TMEM200B: variants seen among roughly 807,000 people sequenced by gnomAD.
TMEM200B encodes the protein transmembrane protein 200B, also known as transmembrane protein TTMA.
In TMEM200B, 12 loss-of-function variants were observed where a neutral mutation model predicts 17.6. The observed-to-expected ratio is 0.68, with a 90% confidence interval of 0.44 to 1.11. The LOEUF (loss-of-function observed/expected upper bound fraction) is 1.11. Among genes scored for constraint, TMEM200B ranks in the 50% least tolerant of loss-of-function variants. TMEM200B has a pLI of 0.00. For synonymous variants in TMEM200B, 234 were observed against 209.2 expected, an observed-to-expected ratio of 1.12 and a Z score of -1.02; for missense variants, 456 against 447.6, an observed-to-expected ratio of 1.02 and a Z score of -0.17.
Position 29,121,676 on chromosome 1 carries a change from C to T in TMEM200B, c.153G>A (p.Pro51=). The T allele has an allele frequency of 7.3e-7, 1 of 1,372,822 alleles. No homozygotes were observed. Among genetic ancestry groups the T allele is most frequent in the Non-Finnish European group, 9.4e-7 (1 of 1,064,754 alleles). The allele number at this position is 1,372,822 out of a possible 1,614,324, so 85.0% of individuals were successfully genotyped here. A position where few individuals can be genotyped will look rare whatever the true frequency, so the allele number is the denominator to read the frequency against. ...CCCCCAGCGCCGCGAACGCCCCCGA[C>T]GGCGAGCGCAGCCGCAGCCGCGCCC... The part of the protein sequence containing the change: ...RVRARLRLRS[P]SGAFAALGAL... Residue 51 remains proline (P), a synonymous_variant, in exon 2 of 2, where the codon CCG becomes CCA. Transcript: ENST00000521452. This position sits in a 1 kb window ranked among gnomAD's most constrained non-coding sequence, Gnocchi z 5.6.
Position 29,121,739 on chromosome 1 carries a change from G to C in TMEM200B, c.90C>G (p.Arg30=), listed in dbSNP as rs1671797341. 9 of 1,206,772 alleles carry C rather than the reference G, an allele frequency of 7.5e-6. No individual in the cohort carries two copies. The East Asian group carries it at 3.1e-4, about 41-fold the overall frequency. 74.8% of individuals were successfully genotyped at this position (1,206,772 alleles called of 1,614,324 possible). Residue 30 remains arginine, a synonymous_variant, in exon 2 of 2, where the codon CGC becomes CGG. Coordinates refer to ENST00000521452, the MANE Select transcript of TMEM200B (RefSeq NM_001003682.4). The surrounding 1 kb of genome is among the most constrained non-coding windows in gnomAD (Gnocchi z 5.6). ...VSRLGRRLGR[R]RRPRSPPEPL... ...GCTCGGGCGGGGAGCGCGGGCGCCGGCGGCGGCCCAGGCGGCGGCCCAAGC... is the reference window on the plus strand; with the variant it reads ...GCTCGGGCGGGGAGCGCGGGCGCCGCCGGCGGCCCAGGCGGCGGCCCAAGC...
At chr1:29,123,144 C>A (rs1379792256) in intron 1 of TMEM200B, among the ~76,000 whole-genome samples, 1 of 152,184 alleles carries the variant, frequency 6.6e-6, no homozygotes, top group Non-Finnish European at 1.5e-5. Context: ...CATCTGCACC[C>A]CAAACCTCAA....
chr1:29,123,439 G>A (rs1166997095), intron 1 of TMEM200B, among the ~76,000 whole-genome samples: 1 of 152,084 alleles, frequency 6.6e-6, no homozygotes, highest in African/African-American at 2.4e-5. Flanking sequence ...TCCCCAGCCC[G>A]CAACCGGAGG....
At position 29,120,910 on chromosome 1, in the gene TMEM200B, CCCGG is replaced by C; in HGVS notation, c.915_918del (p.Arg306SerfsTer10). The C allele has an allele frequency of 6.2e-7, 1 of 1,600,704 alleles. No homozygotes were observed. The highest frequency in any genetic ancestry group is 1.3e-5 in the African/African-American group (1 of 74,698). On this transcript the variant is annotated frameshift_variant, in exon 2 of 2. Coordinates refer to ENST00000521452, the MANE Select transcript of TMEM200B (RefSeq NM_001003682.4). LOFTEE classifies it high-confidence loss of function. ...GCAGGCTGTCTCCCCTCTCTTCAGA[CCCGG>C]GCCCCCAAGTCCCCTCCTCCTCCCA...
chr1:29,121,739 G>A lies in TMEM200B; in HGVS notation c.90C>T (p.Arg30=). The A allele has an allele frequency of 1.7e-6, 2 of 1,206,772 alleles. No homozygotes were observed. The highest frequency in any genetic ancestry group is 3.0e-4 in the Middle Eastern group (1 of 3,342). 74.8% of individuals were successfully genotyped at this position (1,206,772 alleles called of 1,614,324 possible). A position where few individuals can be genotyped will look rare whatever the true frequency, so the allele number is the denominator to read the frequency against. The change falls in exon 2 of 2, where the codon CGC becomes CGT. Residue 30 remains arginine (R), a synonymous_variant. Transcript: ENST00000521452. This position sits in a 1 kb window ranked among gnomAD's most constrained non-coding sequence, Gnocchi z 5.6. ...VSRLGRRLGR[R]RRPRSPPEPL... ...GCTCGGGCGGGGAGCGCGGGCGCCG[G>A]CGGCGGCCCAGGCGGCGGCCCAAGC...
In TMEM200B at chr1:29,120,960, C is replaced by T. The variant is rs1671738906; in HGVS notation, c.869G>A (p.Ser290Asn). 6.2e-7 allele frequency: 1 copy of T among 1,613,346 alleles called. No individual in the cohort carries two copies. Among genetic ancestry groups the T allele is most frequent in the African/African-American group, 1.3e-5 (1 of 74,936 alleles). The change falls in exon 2 of 2, where the codon AGT (serine) becomes AAT (asparagine). Residue 290 changes from serine to asparagine, a missense_variant. Coordinates refer to ENST00000521452, the MANE Select transcript of TMEM200B (RefSeq NM_001003682.4). The stretch of plus-strand genomic sequence containing the variant: ...TCCCAATTTGGCATAGCCCCCAAGA[C>T]TGAGGCGGTCCAGCCGTGGCCAGCT... ...HRSWPRLDRL[S>N]LGGYAKLGGG...
At position 29,122,832 on chromosome 1, in the gene TMEM200B, C is replaced by T. The variant is rs373962655; in HGVS notation, c.-20-984G>A. On this transcript the variant is annotated intron_variant, in intron 1 of 1. Transcript: ENST00000521452. ...TCAGAGCAGCACCGCCCCTGCGCCT[C>T]GGGATCCGGGCCGCACAGCTTAAGC... Among the ~76,000 whole-genome samples the T allele has an allele frequency of 5.9e-5, 9 of 152,394 alleles. No homozygotes were observed. In the East Asian group the frequency reaches 1.5e-3, roughly 26 times the overall value.
rs775329826 is a variant in TMEM200B, at chr1:29,121,340, C to T, written c.489G>A (p.Pro163=). 1 of 1,570,100 alleles carries T rather than the reference C, an allele frequency of 6.4e-7. No homozygotes were observed. The highest frequency in any genetic ancestry group is 2.4e-5 in the East Asian group (1 of 42,448). ...RAQALRPPDG[P]GWDCALLPSP... ...TGGGAAGGAGGGCGCAGTCCCAGCC[C>T]GGGCCGTCGGGGGGCCGGAGCGCCT... The change falls in exon 2 of 2, where the codon CCG becomes CCA. Residue 163 remains proline, a synonymous_variant. Coordinates refer to ENST00000521452, the MANE Select transcript of TMEM200B (RefSeq NM_001003682.4). This position sits in a 1 kb window ranked among gnomAD's most constrained non-coding sequence, Gnocchi z 5.6.
chr1:29,121,550 C>G lies in TMEM200B; in HGVS notation c.279G>C (p.Gln93His), dbSNP rs1316820880. 6 of 1,506,686 alleles carry G rather than the reference C, an allele frequency of 4.0e-6. No individual in the cohort carries two copies. The African/African-American group carries it at 8.6e-5, about 22-fold the overall frequency. The allele number at this position is 1,506,686 out of a possible 1,614,324, so 93.3% of individuals were successfully genotyped here. ...GSRAANASSP[Q>H]MSELRREGRG... ...GACCCTCGCGTCGCAGCTCGCTCAT[C>G]TGGGGCGAGCTGGCATTGGCGGCCC... The change falls in exon 2 of 2, where the codon CAG becomes CAC. Residue 93 changes from glutamine (Q) to histidine (H), a missense_variant. By Grantham distance (24) the Gln-to-His change is conservative (BLOSUM62 0). Coordinates refer to ENST00000521452, the MANE Select transcript of TMEM200B (RefSeq NM_001003682.4). The surrounding 1 kb of genome is among the most constrained non-coding windows in gnomAD (Gnocchi z 5.6).
In TMEM200B at chr1:29,120,595, CA is replaced by C; in HGVS notation, c.*309del. The C allele has an allele frequency of 2.7e-6, 1 of 373,918 alleles. No individual in the cohort carries two copies. 23.2% of individuals were successfully genotyped at this position (373,918 alleles called of 1,614,324 possible). The stretch of plus-strand genomic sequence containing the variant: ...TTGCCAAGACACTGGGTACATCTCC[CA>C]GTCACCCTGGCCTGGACCTCCAGCC... On this transcript the variant is annotated 3_prime_UTR_variant, in exon 2 of 2. Transcript: ENST00000521452.
chr1:29,122,434 C>T (rs565430003), intron 1 of TMEM200B: 1 of 152,774 alleles, frequency 6.5e-6, no homozygotes, highest in Admixed American at 6.5e-5. Context: ...CAGACCTCCT[C>T]CGCCCGCAGC....
In TMEM200B at chr1:29,120,773, T is replaced by G. The variant is rs1258680399; in HGVS notation, c.*132A>C. The stretch of plus-strand genomic sequence containing the variant: ...TGCAGGTCAGGATGCCCTTCACAGC[T>G]GCTGTGGTCAGAGCATCCATCCCCA... On this transcript the variant is annotated 3_prime_UTR_variant, in exon 2 of 2. Coordinates refer to ENST00000521452, the MANE Select transcript of TMEM200B (RefSeq NM_001003682.4). 8.5e-7 allele frequency: 1 copy of G among 1,178,808 alleles called. No homozygotes were observed. The highest frequency in any genetic ancestry group is 2.9e-5 in the Admixed American group (1 of 34,634). The allele number at this position is 1,178,808 out of a possible 1,614,324, so 73.0% of individuals were successfully genotyped here.
chr1:29,122,491 C>G (rs1001507952), intron 1 of TMEM200B: 2 of 152,326 alleles, frequency 1.3e-5, no homozygotes, highest in Non-Finnish European at 2.9e-5. Context: ...GAAGACCGCT[C>G]GGATCAAGAC....
In TMEM200B at chr1:29,120,837, C is replaced by T. The variant is rs548799031; in HGVS notation, c.*68G>A. 7.6e-6 allele frequency: 11 copies of T among 1,456,918 alleles called. No homozygotes were observed. In the East Asian group the frequency reaches 2.5e-4, roughly 33 times the overall value. 90.2% of individuals were successfully genotyped at this position (1,456,918 alleles called of 1,614,324 possible). A position where few individuals can be genotyped will look rare whatever the true frequency, so the allele number is the denominator to read the frequency against. ...CTGAAACATCTATTAGACGTTGGGA[C>T]TCCTGGTCCTTTGGTCCTATTAGCA... On this transcript the variant is annotated 3_prime_UTR_variant, in exon 2 of 2. Transcript: ENST00000521452.
intron 1 of TMEM200B, among the ~76,000 whole-genome samples, 180 bp from the exon 2 acceptor site, chr1:29,122,028 G>C (rs1447575819): frequency 3.3e-5 from 5 of 152,134 alleles, no homozygotes; most frequent in Admixed American, 1.3e-4. Flanking sequence ...CCGCGCTCGG[G>C]TTTTCCGCAG....
In TMEM200B at chr1:29,120,804, G is replaced by T; in HGVS notation, c.*101C>A. 1 of 1,383,548 alleles carries T rather than the reference G, an allele frequency of 7.2e-7. No homozygotes were observed. The highest frequency in any genetic ancestry group is 2.0e-4 in the Middle Eastern group (1 of 5,000). 85.7% of individuals were successfully genotyped at this position (1,383,548 alleles called of 1,614,324 possible). ...GGTCAGAGCATCCATCCCCAGCCTG[G>T]GATGTGACTGAAACATCTATTAGAC... On this transcript the variant is annotated 3_prime_UTR_variant, in exon 2 of 2. Coordinates refer to ENST00000521452, the MANE Select transcript of TMEM200B (RefSeq NM_001003682.4).
At chr1:29,122,480 G>A (rs977414778) in intron 1 of TMEM200B, 4 of 152,370 alleles carry the variant, frequency 2.6e-5, no homozygotes, top group Non-Finnish European at 5.9e-5. Context: ...CTAGACACCG[G>A]GAAGACCGCT....
At position 29,121,209 on chromosome 1, in the gene TMEM200B, C is replaced by G; in HGVS notation, c.620G>C (p.Arg207Pro). 1 of 1,613,414 alleles carries G rather than the reference C, an allele frequency of 6.2e-7. No individual in the cohort carries two copies. Among genetic ancestry groups the G allele is most frequent in the Non-Finnish European group, 8.5e-7 (1 of 1,180,016 alleles). Residue 207 changes from arginine (R) to proline (P), a missense_variant, in exon 2 of 2, where the codon CGT becomes CCT. Coordinates refer to ENST00000521452, the MANE Select transcript of TMEM200B (RefSeq NM_001003682.4). The surrounding 1 kb of genome is among the most constrained non-coding windows in gnomAD (Gnocchi z 5.6). ...CAAGCGAGGATTAGCGGGCTCTGAA[C>G]GCAGACTCCGCACTGACGGGACGGG... ...TSPVPSVRSLRSEPANPRLGL... is the reference protein window; with the variant it reads ...TSPVPSVRSLPSEPANPRLGL...
At chr1:29,122,860 TCC>T in intron 1 of TMEM200B, among the ~76,000 whole-genome samples, 1 of 152,280 alleles carries the variant, frequency 6.6e-6, no homozygotes, top group Non-Finnish European at 1.5e-5. Context: ...GCTTAAGCCC[TCC>T]CGATTGCTGG....
Sources: gnomAD v4.1 joint callset for allele counts (sites outside exome capture counted in the v4.1 genomes callset) on GRCh38, gnomAD v4.1.1 for gene constraint, Gnocchi (gnomAD v3.1) non-coding constraint, MANE v1.5 for transcripts, NCBI Gene and HGNC (gene_info 2026-07-23, HGNC 2026-07-21) for gene names.